Variants in ALDH16A1 observed in about 807,000 individuals in gnomAD.
ALDH16A1 encodes aldehyde dehydrogenase family 16 member A1.
ALDH16A1 carries 88 observed loss-of-function variants against 96.1 expected under a neutral mutation model. The ratio of observed to expected loss-of-function variants is 0.92; its 90% CI spans 0.77 to 1.09. ALDH16A1 has a LOEUF of 1.09. ALDH16A1 is among the 50% of genes least tolerant of loss of function. The pLI is 0.00. For synonymous variants in ALDH16A1, 522 were observed against 496.4 expected (o/e 1.05, Z -0.69); for missense variants, 1,250 against 1,112.6 (o/e 1.12, Z -1.76).
Position 49,470,337 on chromosome 19 carries a change from G to C in ALDH16A1, c.2279G>C (p.Gly760Ala), listed in dbSNP as rs753288641. ...CAGTTTGTCGAGTGGGCCTCGGCAGGAAACCTCAAACCGGTGTGGGCGAGC... is the reference window on the plus strand; with the variant it reads ...CAGTTTGTCGAGTGGGCCTCGGCAGCAAACCTCAAACCGGTGTGGGCGAGC... The part of the protein sequence containing the change: ...GSQFVEWASA[G>A]NLKPVWASRG... Residue 760 changes from glycine (G) to alanine (A), a missense_variant, in exon 17 of 17, where the codon GGA (glycine) becomes GCA (alanine). Coordinates refer to ENST00000293350, the MANE Select transcript of ALDH16A1 (RefSeq NM_153329.4). 1 of 1,613,512 alleles carries C rather than the reference G, an allele frequency of 6.2e-7. No homozygotes were observed. The highest frequency in any genetic ancestry group is 1.3e-5 in the African/African-American group (1 of 75,034).
chr19:49,465,738 C>T lies in ALDH16A1; in HGVS notation c.1569C>T (p.Ser523=). 1.2e-6 allele frequency: 2 copies of T among 1,612,150 alleles called. No individual in the cohort carries two copies. The highest frequency in any genetic ancestry group is 1.7e-6 in the Non-Finnish European group (2 of 1,178,738). Residue 523 remains serine (S), a splice_region_variant and synonymous_variant, in exon 13 of 17, where the codon AGC becomes AGT. Coordinates refer to ENST00000293350, the MANE Select transcript of ALDH16A1 (RefSeq NM_153329.4). ...TLPAGPEIGP[S]PAPPYGLFVG... ...CTCCTCATGTCCCACCCTACTCCAG[C>T]CCAGCACCCCCCTATGGGCTCTTCG... is the stretch of plus-strand genomic sequence containing the variant.
chr19:49,468,814 T>A lies in ALDH16A1; in HGVS notation c.2125-50T>A. 6.3e-7 allele frequency: 1 copy of A among 1,581,084 alleles called. No homozygotes were observed. Among genetic ancestry groups the A allele is most frequent in the Non-Finnish European group, 8.6e-7 (1 of 1,159,718 alleles). On this transcript the variant is annotated intron_variant, in intron 15 of 16. Transcript: ENST00000293350. This position sits in a 1 kb window ranked among gnomAD's most constrained non-coding sequence, Gnocchi z 4.4. ...TGGGCACCCCCTGAATGCCCACTCC[T>A]TGCCCTGCCCCCACGGCCTCCCCAA...
Position 49,463,930 on chromosome 19 carries a change from C to A in ALDH16A1, c.1175C>A (p.Ser392Tyr). Residue 392 changes from serine (S) to tyrosine (Y), a missense_variant, in exon 9 of 17, where the codon TCC becomes TAC. Physicochemically the swap from Ser to Tyr is moderately radical, Grantham distance 144. Coordinates refer to ENST00000293350, the MANE Select transcript of ALDH16A1 (RefSeq NM_153329.4). ...PTLVSNLPPA[S>Y]PCAQVEVPWP... is the part of the protein sequence containing the mutation. ...TTGGTCTCCAACCTGCCCCCAGCCTCCCCATGTGCCCAGGTGGAGGTGAGA... is the reference window on the plus strand; with the variant it reads ...TTGGTCTCCAACCTGCCCCCAGCCTACCCATGTGCCCAGGTGGAGGTGAGA... 5.0e-6 allele frequency: 8 copies of A among 1,611,100 alleles called. No homozygotes were observed. Among genetic ancestry groups the A allele is most frequent in the African/African-American group, 1.3e-5 (1 of 74,940 alleles).
At position 49,462,765 on chromosome 19, in the gene ALDH16A1, G is replaced by A. The variant is rs749157752; in HGVS notation, c.1098+10G>A. 25 of 1,560,056 alleles carry A rather than the reference G, an allele frequency of 1.6e-5. 1 individual carries two copies. In the Admixed American group the frequency reaches 1.8e-4, roughly 11 times the overall value. Reference sequence around the variant, plus strand: ...GAGCCAGGGTGCACAGGTGAGGCAGGGGGTAGAGACTTGAGGGTGTCAGGG... The same window carrying A: ...GAGCCAGGGTGCACAGGTGAGGCAGAGGGTAGAGACTTGAGGGTGTCAGGG... On this transcript the variant is annotated intron_variant, in intron 8 of 16. Transcript: ENST00000293350.
At chr19:49,458,090 G>GC (rs1456767582) in intron 1 of ALDH16A1, among the ~76,000 whole-genome samples, 1 of 152,072 alleles carries the variant, frequency 6.6e-6, no homozygotes, top group African/African-American at 2.4e-5. Context: ...GTGGTGGCGG[G>GC]CGCCTGTAGT....
In ALDH16A1 at chr19:49,464,517, C is replaced by T; in HGVS notation, c.1432C>T (p.Pro478Ser). Residue 478 changes from proline to serine, a missense_variant, in exon 11 of 17, where the codon CCA (proline) becomes TCA (serine). Coordinates refer to ENST00000293350, the MANE Select transcript of ALDH16A1 (RefSeq NM_153329.4). ...GAGTGGGTGTTCCTGGCACGGGGGC[C>T]CAGACGTGAGTACATCCCCTCCCCG... is the stretch of plus-strand genomic sequence containing the variant. ...KESGCSWHGG[P>S]DGLYEYLRPS... 6.2e-7 allele frequency: 1 copy of T among 1,613,868 alleles called. No individual in the cohort carries two copies. The highest frequency in any genetic ancestry group is 8.5e-7 in the Non-Finnish European group (1 of 1,179,960).
Position 49,459,049 on chromosome 19 carries a change from G to C in ALDH16A1, c.283G>C (p.Ala95Pro). 6.2e-7 allele frequency: 1 copy of C among 1,613,256 alleles called. No homozygotes were observed. The highest frequency in any genetic ancestry group is 8.5e-7 in the Non-Finnish European group (1 of 1,180,010). The change falls in exon 3 of 17, where the codon GCG (alanine) becomes CCG (proline). Residue 95 changes from alanine (A) to proline (P), a missense_variant. Coordinates refer to ENST00000293350, the MANE Select transcript of ALDH16A1 (RefSeq NM_153329.4). The surrounding 1 kb of genome is among the most constrained non-coding windows in gnomAD (Gnocchi z 4.1). ...AARMAFKGWS[A>P]HPGVVRAQHL... is the part of the protein sequence containing the mutation. Reference sequence around the variant, plus strand: ...CAGGATGGCATTTAAGGGCTGGAGTGCGCACCCCGGCGTCGTCCGGGCCCA... The same window carrying C: ...CAGGATGGCATTTAAGGGCTGGAGTCCGCACCCCGGCGTCGTCCGGGCCCA...
Position 49,459,865 on chromosome 19 carries a change from C to T in ALDH16A1, c.499+17C>T. ...AGCCCATGGGTGAGACCCTGGAGTC[C>T]CTAGCCCTATCCTCCCACATGACTC... On this transcript the variant is annotated intron_variant, in intron 4 of 16. Transcript: ENST00000293350. This position sits in a 1 kb window ranked among gnomAD's most constrained non-coding sequence, Gnocchi z 4.1. 1.2e-6 allele frequency: 2 copies of T among 1,607,114 alleles called. No individual in the cohort carries two copies. Among genetic ancestry groups the T allele is most frequent in the Non-Finnish European group, 1.7e-6 (2 of 1,177,602 alleles).
At position 49,458,809 on chromosome 19, in the gene ALDH16A1, C is replaced by T. The variant is rs2079120265; in HGVS notation, c.194-151C>T. On this transcript the variant is annotated intron_variant, in intron 2 of 16. Transcript: ENST00000293350. ...GACTGCTGTCTGTTAAAATAGCTTCCTTGCCCTGGAGGTGATCATAGCCGT... is the reference window on the plus strand; with the variant it reads ...GACTGCTGTCTGTTAAAATAGCTTCTTTGCCCTGGAGGTGATCATAGCCGT... The T allele has an allele frequency of 3.3e-6, 4 of 1,221,244 alleles. No homozygotes were observed. The African/African-American group carries it at 4.5e-5, about 14-fold the overall frequency. 75.7% of individuals were successfully genotyped at this position (1,221,244 alleles called of 1,614,324 possible).
intron 1 of ALDH16A1, among the ~76,000 whole-genome samples, chr19:49,457,983 G>A (rs1027347839): frequency 6.6e-6 from 1 of 152,112 alleles, no homozygotes; most frequent in Non-Finnish European, 1.5e-5. Flanking sequence ...GGAGGCCAAG[G>A]CGTGCAGATC....
intron 2 of ALDH16A1, among the ~76,000 whole-genome samples, 179 bp downstream of exon 2, chr19:49,458,767 C>T (rs1000161164): frequency 6.6e-6 from 1 of 152,248 alleles, no homozygotes; most frequent in African/African-American, 2.4e-5. Flanking sequence ...TTCCGGGTCT[C>T]TGTGGAGGCT....
chr19:49,464,681 GCCTCTCC>G lies in ALDH16A1; in HGVS notation c.1488_1494del (p.Cys496Ter). On this transcript the variant is annotated frameshift_variant, in exon 12 of 17. Coordinates refer to ENST00000293350, the MANE Select transcript of ALDH16A1 (RefSeq NM_153329.4). LOFTEE classifies it high-confidence loss of function. ...TCAGGGACCCCTGCCCGGCTGTCCTGCCTCTCCAAGAACCTGAACTATGACACCTTTG... is the reference window on the plus strand; with the variant it reads ...TCAGGGACCCCTGCCCGGCTGTCCTGAAGAACCTGAACTATGACACCTTTG... 1 of 1,614,142 alleles carries G rather than the reference GCCTCTCC, an allele frequency of 6.2e-7. No homozygotes were observed. The highest frequency in any genetic ancestry group is 1.1e-5 in the South Asian group (1 of 91,086).
intron 4 of ALDH16A1, 123 bp from the exon 5 acceptor site, chr19:49,460,699 C>T: frequency 1.2e-6 from 1 of 837,128 alleles, no homozygotes; most frequent in Non-Finnish European, 1.9e-6. Context: ...CAGGCGTGAG[C>T]CACCACACCC....
intron 7 of ALDH16A1, 65 bp from the exon 8 acceptor site, chr19:49,462,505 C>T: frequency 1.3e-6 from 2 of 1,547,874 alleles, no homozygotes; most frequent in South Asian, 1.2e-5. Flanking sequence ...TCTGTCTTCA[C>T]TCTTCAGATC....
Position 49,470,654 on chromosome 19 carries a change from T to TTTC in ALDH16A1, c.*189_*190insCTT. The TTTC allele has an allele frequency of 1.9e-6, 1 of 525,854 alleles. No individual in the cohort carries two copies. The highest frequency in any genetic ancestry group is 2.9e-6 in the Non-Finnish European group (1 of 350,134). The allele number at this position is 525,854 out of a possible 1,614,324, so 32.6% of individuals were successfully genotyped here. A position where few individuals can be genotyped will look rare whatever the true frequency, so the allele number is the denominator to read the frequency against. On this transcript the variant is annotated 3_prime_UTR_variant, in exon 17 of 17. Transcript: ENST00000293350. ...GCAGATATGAGGCTTTTTTCTTTTT[T>TTTC]TTTTTTTTTTTTGAGACAACGTCTG...
chr19:49,460,732 T>TTAA, intron 4 of ALDH16A1, 90 bp from the exon 5 acceptor site: 1 of 848,800 alleles, frequency 1.2e-6, no homozygotes, highest in Non-Finnish European at 1.8e-6. Context: ...TTTTTTTTCC[T>TTAA]AATGTAGCCA....
At chr19:49,457,439 T>C (rs550910355) in intron 1 of ALDH16A1, among the ~76,000 whole-genome samples, 1 of 150,928 alleles carries the variant, frequency 6.6e-6, no homozygotes, top group African/African-American at 2.4e-5. Flanking sequence ...TCCCAGCTAC[T>C]CGGGAGCCTG....
Position 49,465,862 on chromosome 19 carries a change from G to A in ALDH16A1, c.1693G>A (p.Asp565Asn). The change falls in exon 13 of 17, where the codon GAC becomes AAC. Residue 565 changes from aspartate (D) to asparagine (N), a missense_variant. Asp to Asn is a conservative substitution (Grantham distance 23, BLOSUM62 1). Transcript: ENST00000293350. Reference sequence around the variant, plus strand: ...CTACGTGGCTGAGGGTGGAGCCAAGGACATCCGAGGTGCTGTGGAGGCCGC... The same window carrying A: ...CTACGTGGCTGAGGGTGGAGCCAAGAACATCCGAGGTGCTGTGGAGGCCGC... The part of the protein sequence containing the change: ...HGYVAEGGAK[D>N]IRGAVEAAHQ... 1 of 1,614,116 alleles carries A rather than the reference G, an allele frequency of 6.2e-7. No homozygotes were observed. The highest frequency in any genetic ancestry group is 8.5e-7 in the Non-Finnish European group (1 of 1,180,006).
At position 49,460,899 on chromosome 19, in the gene ALDH16A1, G is replaced by C. The variant is rs1490480588; in HGVS notation, c.577G>C (p.Gly193Arg). ...GAGGATTTGCCCTGCCCTGGCTGTGGGTAAATGATGGCCTGGGGGGTCCTG... is the reference window on the plus strand; with the variant it reads ...GAGGATTTGCCCTGCCCTGGCTGTGCGTAAATGATGGCCTGGGGGGTCCTG... Reference protein sequence around the residue: ...MWRICPALAVGCTVVALVPPA... With the variant: ...MWRICPALAVRCTVVALVPPA... Residue 193 changes from glycine (G) to arginine (R), a missense_variant and splice_region_variant, in exon 5 of 17, where the codon GGC becomes CGC. Physicochemically the swap from Gly to Arg is moderately radical, Grantham distance 125. Coordinates refer to ENST00000293350, the MANE Select transcript of ALDH16A1 (RefSeq NM_153329.4). The C allele has an allele frequency of 6.2e-7, 1 of 1,612,818 alleles. No homozygotes were observed. Among genetic ancestry groups the C allele is most frequent in the Non-Finnish European group, 8.5e-7 (1 of 1,179,692 alleles).
Sources: allele counts gnomAD v4.1 joint callset (sites outside exome capture counted in the v4.1 genomes callset), GRCh38; gene constraint gnomAD v4.1.1; non-coding constraint Gnocchi (gnomAD v3.1); transcripts MANE v1.5; gene names NCBI Gene and HGNC (gene_info 2026-07-23, HGNC 2026-07-21).